The following MCCC2 variants were observed in gnomAD, a reference collection of about 807,000 sequenced individuals.
MCCC2 encodes methylcrotonyl-CoA carboxylase subunit 2.
A neutral mutation model predicts 77.2 loss-of-function variants in MCCC2; 52 were observed. The ratio of observed to expected loss-of-function variants is 0.67; its 90% CI spans 0.54 to 0.85. The LOEUF is 0.85. Ranked by LOEUF, MCCC2 falls within the 40% of genes least tolerant of loss-of-function variation. The probability of loss-of-function intolerance (pLI) is 0.00; values close to 1 mark genes in which losing one functional copy is unlikely to be tolerated. For synonymous variants in MCCC2, 253 were observed against 248.4 expected (o/e 1.02, Z -0.18); for missense variants, 682 against 703.2 (o/e 0.97, Z 0.34).
intron 10 of MCCC2, chr5:71,635,616 T>C: frequency 2.8e-6 from 1 of 355,916 alleles, no homozygotes; most frequent in Non-Finnish European, 5.5e-6. Flanking sequence ...TGTCAGTAAG[T>C]TGTTGGAAGA....
chr5:71,600,870 G>C (rs956681140), intron 4 of MCCC2, among the ~76,000 whole-genome samples: 2 of 152,182 alleles, frequency 1.3e-5, no homozygotes, highest in African/African-American at 4.8e-5. Flanking sequence ...CAGAGGCAGT[G>C]ATGGTCATAG....
At chr5:71,587,675 G>A in intron 1 of MCCC2, 121 bp downstream of exon 1, 1 of 1,340,980 alleles carries the variant, frequency 7.5e-7, no homozygotes, top group Non-Finnish European at 1.0e-6. Context: ...TGTGACGCAC[G>A]TGAAGTTTGA....
At chr5:71,591,129 T>C (rs1168320862) in intron 1 of MCCC2, among the ~76,000 whole-genome samples, 1 of 152,224 alleles carries the variant, frequency 6.6e-6, no homozygotes, top group Non-Finnish European at 1.5e-5. Flanking sequence ...AGATATACTG[T>C]AGACTGAATA....
At chr5:71,619,233 G>A (rs1466704219) in intron 6 of MCCC2, among the ~76,000 whole-genome samples, 1 of 151,892 alleles carries the variant, frequency 6.6e-6, no homozygotes, top group Non-Finnish European at 1.5e-5. Flanking sequence ...GCTTAGTTAG[G>A]ATAGGTACTG....
intron 1 of MCCC2, among the ~76,000 whole-genome samples, chr5:71,588,901 T>C (rs1304954959): frequency 6.6e-6 from 1 of 152,176 alleles, no homozygotes; most frequent in South Asian, 2.1e-4. Context: ...GGATCTTCCA[T>C]GCAAAAGCCA....
intron 7 of MCCC2, among the ~76,000 whole-genome samples, chr5:71,629,539 ATCTT>A (rs1746642790): frequency 6.6e-6 from 1 of 152,222 alleles, no homozygotes; most frequent in Non-Finnish European, 1.5e-5. Flanking sequence ...TCCAAGAATC[ATCTT>A]TGGTTATGGA....
chr5:71,646,099 T>C, intron 12 of MCCC2, 112 bp from the exon 13 acceptor site: 2 of 872,700 alleles, frequency 2.3e-6, no homozygotes, highest in Non-Finnish European at 3.5e-6. Flanking sequence ...GAAAAAATTT[T>C]AAAGGGGAGT....
Position 71,646,294 on chromosome 5 carries a change from A to G in MCCC2, c.1216+17A>G. ...ACATTACTGGTAAGAAAATAGCTTA[A>G]TCAGTTTGGTTGTATTGATTCCAGA... On this transcript the variant is annotated intron_variant, in intron 13 of 16. Coordinates refer to ENST00000340941, the MANE Select transcript of MCCC2 (RefSeq NM_022132.5). 2 of 1,611,896 alleles carry G rather than the reference A, an allele frequency of 1.2e-6. No homozygotes were observed. The highest frequency in any genetic ancestry group is 1.7e-6 in the Non-Finnish European group (2 of 1,178,196).
intron 3 of MCCC2, 29 bp from the exon 4 acceptor site, chr5:71,599,630 A>T: frequency 6.4e-7 from 1 of 1,567,838 alleles, no homozygotes; most frequent in Non-Finnish European, 8.8e-7. Flanking sequence ...AATGACATTA[A>T]TTCAAACAAC....
At chr5:71,641,348 T>C (rs1417776154) in intron 11 of MCCC2, 1 of 398,396 alleles carries the variant, frequency 2.5e-6, no homozygotes, top group East Asian at 5.3e-5. Context: ...AAGGTTCTTA[T>C]AGTAAAATTA....
rs1747204400 is a variant in MCCC2, at chr5:71,643,981, A to G, written c.1149+86A>G. 3 of 1,566,252 alleles carry G rather than the reference A, an allele frequency of 1.9e-6. No individual in the cohort carries two copies. In the African/African-American group the frequency reaches 4.1e-5, roughly 21 times the overall value. ...CAAATAATGAGTTAAAATTTATTGC[A>G]TAAAAATGCTTAACTAGATGCCTCA... On this transcript the variant is annotated intron_variant, in intron 12 of 16. Transcript: ENST00000340941.
intron 1 of MCCC2, 136 bp downstream of exon 1, chr5:71,587,690 G>C (rs1175827123): frequency 7.4e-6 from 9 of 1,222,018 alleles, no homozygotes; most frequent in Non-Finnish European, 1.0e-5. Context: ...GTTTGAAGAA[G>C]AAAAGCCTAA....
At chr5:71,628,974 G>A (rs1746623295) in intron 7 of MCCC2, among the ~76,000 whole-genome samples, 1 of 152,198 alleles carries the variant, frequency 6.6e-6, no homozygotes. Context: ...GGGAGGCCAA[G>A]GTGGGTGGAT....
At chr5:71,596,668 G>A (rs1469617102) in intron 3 of MCCC2, among the ~76,000 whole-genome samples, 5 of 152,146 alleles carry the variant, frequency 3.3e-5, no homozygotes, top group Non-Finnish European at 7.3e-5. Context: ...CTGGCTGGGT[G>A]TGGTGGCTCA....
chr5:71,596,205 A>T (rs498394), intron 2 of MCCC2, 75 bp from the exon 3 acceptor site: 1 of 551,468 alleles, frequency 1.8e-6, no homozygotes. Flanking sequence ...TTTTGGATTA[A>T]GTATTATGTT....
At chr5:71,634,185 T>C (rs1217428049) in intron 8 of MCCC2, among the ~76,000 whole-genome samples, 1 of 152,254 alleles carries the variant, frequency 6.6e-6, no homozygotes, top group Non-Finnish European at 1.5e-5. Context: ...AATACTTTAT[T>C]AGAAAGTCAT....
chr5:71,624,848 C>CA (rs757794599), intron 6 of MCCC2, among the ~76,000 whole-genome samples: 4 of 151,926 alleles, frequency 2.6e-5, no homozygotes, highest in Admixed American at 1.3e-4. Flanking sequence ...CATGCAGCAC[C>CA]ACACCCAATT....
chr5:71,596,320 A>G lies in MCCC2; in HGVS notation c.237A>G (p.Gly79=), dbSNP rs2112293709. The G allele has an allele frequency of 1.2e-6, 2 of 1,614,198 alleles. No homozygotes were observed. The highest frequency in any genetic ancestry group is 1.7e-6 in the Non-Finnish European group (2 of 1,180,048). ...CCCGAGCACTTCACATATCAAGAGGAAAACTATTGCCCAGAGAAAGAATTG... is the reference window on the plus strand; with the variant it reads ...CCCGAGCACTTCACATATCAAGAGGGAAACTATTGCCCAGAGAAAGAATTG... ...EKARALHISR[G]KLLPRERIDN... The change falls in exon 3 of 17, where the codon GGA becomes GGG. Residue 79 remains glycine, a synonymous_variant. Transcript: ENST00000340941.
intron 6 of MCCC2, among the ~76,000 whole-genome samples, chr5:71,622,857 A>G (rs1746399534): frequency 6.6e-6 from 1 of 152,218 alleles, no homozygotes; most frequent in African/African-American, 2.4e-5. Flanking sequence ...CTGTAATCCC[A>G]GCACTTTGGG....
Sources: allele counts gnomAD v4.1 joint callset (sites outside exome capture counted in the v4.1 genomes callset), GRCh38; gene constraint gnomAD v4.1.1; transcripts MANE v1.5; gene names NCBI Gene and HGNC (gene_info 2026-07-23, HGNC 2026-07-21).